CDH12: variants seen among roughly 807,000 people sequenced by gnomAD.
The protein encoded by CDH12 is cadherin-12.
CDH12 carries 41 observed loss-of-function variants against 74.1 expected under a neutral mutation model. The observed-to-expected ratio is 0.55, with a 90% CI of 0.43 to 0.72. The LOEUF (loss-of-function observed/expected upper bound fraction) is 0.72, where lower values mean the gene tolerates loss of function less well. Ranked by LOEUF, CDH12 falls within the 30% of genes least tolerant of loss-of-function variation. CDH12 has a pLI of 0.00. For synonymous variants in CDH12, 399 were observed against 355.0 expected (o/e 1.12, Z -1.39); for missense variants, 945 against 977.2 (o/e 0.97, Z 0.44).
chr5:22,154,397 C>A (rs1747856764), intron 4 of CDH12, among the ~76,000 whole-genome samples: 1 of 134,800 alleles, frequency 7.4e-6, no homozygotes, highest in Non-Finnish European at 1.6e-5. Context: ...TTTCCCCTAA[C>A]CCCAGTTTAC....
chr5:22,040,051 C>G (rs1037054424), intron 5 of CDH12, among the ~76,000 whole-genome samples: 2 of 150,778 alleles, frequency 1.3e-5, no homozygotes, highest in Non-Finnish European at 2.9e-5. Flanking sequence ...CAGTGAGATA[C>G]AAGAGAATAC....
chr5:22,448,711 A>AT (rs1744925983), intron 2 of CDH12, among the ~76,000 whole-genome samples: 1 of 151,970 alleles, frequency 6.6e-6, no homozygotes, highest in South Asian at 2.1e-4. Context: ...TAAGATTTTA[A>AT]TTTTTTTGTA....
At chr5:22,633,570 G>A (rs1738688391) in intron 1 of CDH12, among the ~76,000 whole-genome samples, 1 of 152,166 alleles carries the variant, frequency 6.6e-6, no homozygotes, top group Admixed American at 6.6e-5. Flanking sequence ...CTCTCCAGTT[G>A]TGGTGGGCCT....
intron 1 of CDH12, among the ~76,000 whole-genome samples, chr5:22,704,025 T>G (rs1742854320): frequency 6.6e-6 from 1 of 152,170 alleles, no homozygotes; most frequent in African/African-American, 2.4e-5. Context: ...GGACATCTAA[T>G]TGGTTCTCAA....
At chr5:22,619,899 A>AATTAAAATT (rs1322047658) in intron 1 of CDH12, among the ~76,000 whole-genome samples, 1 of 152,148 alleles carries the variant, frequency 6.6e-6, no homozygotes, top group Non-Finnish European at 1.5e-5. Context: ...ACTCAGTGTC[A>AATTAAAATT]ATTAAAATTA....
chr5:22,751,396 A>G (rs1468006496), intron 1 of CDH12, among the ~76,000 whole-genome samples: 1 of 150,178 alleles, frequency 6.7e-6, no homozygotes, highest in Non-Finnish European at 1.5e-5. Flanking sequence ...TTCCTTGAAG[A>G]TAAATCTGAG....
intron 3 of CDH12, among the ~76,000 whole-genome samples, chr5:22,320,354 G>T (rs770247083): frequency 1.3e-5 from 2 of 152,060 alleles, no homozygotes; most frequent in African/African-American, 2.4e-5. Context: ...ATTTTCTTGG[G>T]TGATAAAATT....
At chr5:22,203,505 C>A (rs952804143) in intron 4 of CDH12, among the ~76,000 whole-genome samples, 20 of 152,130 alleles carry the variant, frequency 1.3e-4, no homozygotes, top group South Asian at 4.1e-4. Flanking sequence ...CTGATGGACA[C>A]TTAGGTTGAT....
intron 1 of CDH12, among the ~76,000 whole-genome samples, chr5:22,616,695 G>A (rs1737705852): frequency 6.6e-6 from 1 of 151,996 alleles, no homozygotes; most frequent in Admixed American, 6.6e-5. Flanking sequence ...AAAGGGGAGG[G>A]TAAAGGAGGG....
intron 1 of CDH12, among the ~76,000 whole-genome samples, chr5:22,529,170 T>TAG: frequency 4.5e-5 from 2 of 44,094 alleles, no homozygotes; most frequent in Non-Finnish European, 9.7e-5. Context: ...CATGTGTATA[T>TAG]ATATATATAT....
intron 4 of CDH12, among the ~76,000 whole-genome samples, chr5:22,201,605 C>A (rs1750926318): frequency 6.6e-6 from 1 of 151,960 alleles, no homozygotes; most frequent in Admixed American, 6.6e-5. Flanking sequence ...ACTAAAATGC[C>A]AGACTTCACC....
At chr5:22,091,205 A>T (rs2150237979) in intron 4 of CDH12, among the ~76,000 whole-genome samples, 1 of 148,802 alleles carries the variant, frequency 6.7e-6, no homozygotes, top group Admixed American at 6.8e-5. Flanking sequence ...GTGTATATAT[A>T]TATATATATA....
chr5:21,820,127 G>T (rs1019011545), intron 8 of CDH12, among the ~76,000 whole-genome samples: 1 of 151,802 alleles, frequency 6.6e-6, no homozygotes, highest in Non-Finnish European at 1.5e-5. Flanking sequence ...AATCCAAAGG[G>T]CATCAGATAA....
intron 9 of CDH12, among the ~76,000 whole-genome samples, chr5:21,813,400 A>C (rs1307262376): frequency 6.6e-6 from 1 of 152,108 alleles, no homozygotes; most frequent in East Asian, 1.9e-4. Flanking sequence ...GAATCGCTTG[A>C]ACCTGGGAGA....
intron 1 of CDH12, among the ~76,000 whole-genome samples, chr5:22,532,584 T>G (rs1737644889): frequency 6.6e-6 from 1 of 151,440 alleles, no homozygotes; most frequent in South Asian, 2.1e-4. Flanking sequence ...GAATTAAGAC[T>G]TGGTTTAATT....
intron 1 of CDH12, among the ~76,000 whole-genome samples, chr5:22,514,342 T>C (rs960214376): frequency 6.6e-6 from 1 of 151,920 alleles, no homozygotes; most frequent in Admixed American, 6.6e-5. Flanking sequence ...TGGTTGAATA[T>C]GAAAGAAAGT....
At chr5:22,629,599 A>G (rs1738474413) in intron 1 of CDH12, among the ~76,000 whole-genome samples, 1 of 152,106 alleles carries the variant, frequency 6.6e-6, no homozygotes, top group African/African-American at 2.4e-5. Flanking sequence ...TGGGCATTGA[A>G]AGAACATACT....
intron 3 of CDH12, among the ~76,000 whole-genome samples, chr5:22,316,115 T>TA (rs1382498186): frequency 6.6e-6 from 1 of 152,026 alleles, no homozygotes; most frequent in Non-Finnish European, 1.5e-5. Flanking sequence ...GGCAGGTGAA[T>TA]ACCTACCAGT....
chr5:21,817,481 T>C (rs942016963), intron 8 of CDH12, among the ~76,000 whole-genome samples: 2 of 151,910 alleles, frequency 1.3e-5, no homozygotes, highest in East Asian at 3.9e-4. Flanking sequence ...GTACTAATAA[T>C]ACAGGTTGCA....
Sources: gnomAD v4.1 joint callset for allele counts (sites outside exome capture counted in the v4.1 genomes callset) on GRCh38, gnomAD v4.1.1 for gene constraint, MANE v1.5 for transcripts, NCBI Gene and HGNC (gene_info 2026-07-23, HGNC 2026-07-21) for gene names.